Variants in HS3ST4 observed in about 807,000 individuals in gnomAD.
HS3ST4 encodes the protein heparan sulfate-glucosamine 3-sulfotransferase 4, also known as heparan sulfate glucosamine 3-O-sulfotransferase 4.
A neutral mutation model predicts 29.2 loss-of-function variants in HS3ST4; 17 were observed. The ratio of observed to expected loss-of-function variants is 0.58; its 90% CI spans 0.40 to 0.87. HS3ST4 has a LOEUF of 0.87. Among genes scored for constraint, HS3ST4 ranks in the 40% least tolerant of loss-of-function variants. The pLI is 0.00. For missense variants in HS3ST4, 627 were observed against 634.5 expected (o/e 0.99, Z 0.13); for synonymous variants, 314 against 285.7 (o/e 1.10, Z -1.00).
Position 25,811,685 on chromosome 16 carries a change from G to A in HS3ST4, c.734+118534G>A, listed in dbSNP as rs568471291. ...CAACCTCAGGTGATACCCCCGCCTCGGCCTCCCAAAGTGCTGGGATTACAG... is the reference window on the plus strand; with the variant it reads ...CAACCTCAGGTGATACCCCCGCCTCAGCCTCCCAAAGTGCTGGGATTACAG... On this transcript the variant is annotated intron_variant, in intron 1 of 1. Coordinates refer to ENST00000331351, the MANE Select transcript of HS3ST4 (RefSeq NM_006040.3). 7.9e-5 allele frequency among the ~76,000 whole-genome samples: 12 copies of A among 151,742 alleles called. No homozygotes were observed. In the East Asian group the frequency reaches 1.2e-3, roughly 15 times the overall value.
chr16:25,939,983 G>A (rs1968557462), intron 1 of HS3ST4, among the ~76,000 whole-genome samples: 1 of 152,138 alleles, frequency 6.6e-6, no homozygotes, highest in Admixed American at 6.5e-5. Flanking sequence ...ACGTGGGATG[G>A]TAGGTAGGTA....
intron 1 of HS3ST4, among the ~76,000 whole-genome samples, chr16:25,739,468 T>C (rs1194975277): frequency 6.6e-6 from 1 of 152,208 alleles, no homozygotes; most frequent in Non-Finnish European, 1.5e-5. Context: ...TCTATCTGCC[T>C]ACTTTTGCTG....
In HS3ST4 at chr16:25,693,052, C is replaced by G; in HGVS notation, c.635C>G (p.Ala212Gly). 1 of 1,610,002 alleles carries G rather than the reference C, an allele frequency of 6.2e-7. No homozygotes were observed. The highest frequency in any genetic ancestry group is 2.2e-5 in the East Asian group (1 of 44,558). The change falls in exon 1 of 2, where the codon GCG becomes GGG. Residue 212 changes from alanine to glycine, a missense_variant. Coordinates refer to ENST00000331351, the MANE Select transcript of HS3ST4 (RefSeq NM_006040.3). Reference protein sequence around the residue: ...IIGVKKGGTRALLEAIRVHPD... With the variant: ...IIGVKKGGTRGLLEAIRVHPD... Reference sequence around the variant, plus strand: ...GGGGTCAAGAAAGGAGGGACCCGCGCGCTGCTGGAGGCGATCCGCGTGCAC... The same window carrying G: ...GGGGTCAAGAAAGGAGGGACCCGCGGGCTGCTGGAGGCGATCCGCGTGCAC...
At chr16:25,819,809 G>A (rs1239158730) in intron 1 of HS3ST4, among the ~76,000 whole-genome samples, 1 of 151,726 alleles carries the variant, frequency 6.6e-6, no homozygotes, top group Non-Finnish European at 1.5e-5. Context: ...AAGAGGAAAG[G>A]ATTTCAGTTT....
intron 1 of HS3ST4, among the ~76,000 whole-genome samples, chr16:25,717,436 T>C (rs1176935992): frequency 6.6e-6 from 1 of 151,962 alleles, no homozygotes; most frequent in Non-Finnish European, 1.5e-5. Context: ...ATCTAACCTA[T>C]TGGAGGACCA....
At chr16:26,084,040 G>T (rs760043835) in intron 1 of HS3ST4, among the ~76,000 whole-genome samples, 1 of 152,182 alleles carries the variant, frequency 6.6e-6, no homozygotes, top group Non-Finnish European at 1.5e-5. Context: ...CAAGAATCTC[G>T]TGGTGAGATG....
rs185395537 is a variant in HS3ST4, at chr16:25,979,188, G to A, written c.735-156424G>A. Among the ~76,000 whole-genome samples the A allele has an allele frequency of 5.9e-3, 904 of 152,206 alleles. 11 individuals are homozygous for A. Among genetic ancestry groups the A allele is most frequent in the Admixed American group, 0.011 (174 of 15,288 alleles). On this transcript the variant is annotated intron_variant, in intron 1 of 1. Transcript: ENST00000331351. Reference sequence around the variant, plus strand: ...TGTGATTACAGACATGAGCCACTGCGTCTGGCCGACTTGTTCTCTCTCTTA... The same window carrying A: ...TGTGATTACAGACATGAGCCACTGCATCTGGCCGACTTGTTCTCTCTCTTA...
At chr16:25,973,459 C>T (rs1406860485) in intron 1 of HS3ST4, among the ~76,000 whole-genome samples, 1 of 152,234 alleles carries the variant, frequency 6.6e-6, no homozygotes, top group African/African-American at 2.4e-5. Context: ...TGTGAGAAAC[C>T]CAACCGTTTC....
rs145064369 is a variant in HS3ST4 at position 25,802,827 on chromosome 16, T to C, written c.734+109676T>C. Among the ~76,000 whole-genome samples the C allele has an allele frequency of 1.9e-3, 285 of 152,166 alleles. 2 individuals carry two copies. The highest frequency in any genetic ancestry group is 6.5e-3 in the African/African-American group (271 of 41,546). On this transcript the variant is annotated intron_variant, in intron 1 of 1. Coordinates refer to ENST00000331351, the MANE Select transcript of HS3ST4 (RefSeq NM_006040.3). ...TTTTCTCTGAAGTTATTTCAAGGTG[T>C]CTTACACTTTTGTTGCTAGTGTGAA...
At chr16:26,079,898 G>A (rs1898705636) in intron 1 of HS3ST4, among the ~76,000 whole-genome samples, 1 of 152,170 alleles carries the variant, frequency 6.6e-6, no homozygotes, top group Non-Finnish European at 1.5e-5. Flanking sequence ...TACTTTCTGA[G>A]CGCAATGGTC....
chr16:25,722,967 G>A (rs1966507694), intron 1 of HS3ST4, among the ~76,000 whole-genome samples: 2 of 152,220 alleles, frequency 1.3e-5, no homozygotes, highest in South Asian at 2.1e-4. Context: ...TCACAATCAT[G>A]GTGGAAGGGG....
At chr16:25,865,824 A>C (rs1031971127) in intron 1 of HS3ST4, among the ~76,000 whole-genome samples, 6 of 152,216 alleles carry the variant, frequency 3.9e-5, no homozygotes, top group African/African-American at 1.4e-4. Flanking sequence ...AAATCAACTC[A>C]AAAGGGATTA....
intron 1 of HS3ST4, among the ~76,000 whole-genome samples, chr16:26,058,006 A>G (rs1898430199): frequency 6.6e-6 from 1 of 151,440 alleles, no homozygotes; most frequent in Admixed American, 6.6e-5. Flanking sequence ...GTTTGATGGC[A>G]ATCTGAGAAG....
At chr16:25,919,251 G>A (rs1172007694) in intron 1 of HS3ST4, among the ~76,000 whole-genome samples, 1 of 152,052 alleles carries the variant, frequency 6.6e-6, no homozygotes, top group Non-Finnish European at 1.5e-5. Context: ...GGCTGGTCTT[G>A]AACTCCTGAC....
chr16:25,913,801 T>G (rs1968263253), intron 1 of HS3ST4, among the ~76,000 whole-genome samples: 1 of 149,894 alleles, frequency 6.7e-6, no homozygotes, highest in Middle Eastern at 3.3e-3. Context: ...GGAGGGTGTA[T>G]ATGTGTGGGG....
At chr16:26,032,899 G>A (rs754741547) in intron 1 of HS3ST4, 121 of 1,079,480 alleles carry the variant, frequency 1.1e-4, no homozygotes, top group Non-Finnish European at 1.6e-4. Context: ...GGTCGTTCTC[G>A]CCTCTTCTTC....
intron 1 of HS3ST4, among the ~76,000 whole-genome samples, chr16:26,059,473 A>T (rs1898450052): frequency 6.6e-6 from 1 of 152,200 alleles, no homozygotes; most frequent in South Asian, 2.1e-4. Context: ...AGGGTCCTTT[A>T]GCTACTTATA....
chr16:25,976,071 G>A (rs4318209), intron 1 of HS3ST4, among the ~76,000 whole-genome samples: 128,370 of 152,148 alleles, frequency 0.84, 54,225 homozygotes, highest in Non-Finnish European at 0.86. Flanking sequence ...AGTTTGTCCC[G>A]GTTCACAGTT....
At chr16:25,790,579 A>T (rs957617785) in intron 1 of HS3ST4, among the ~76,000 whole-genome samples, 2 of 152,186 alleles carry the variant, frequency 1.3e-5, no homozygotes, top group Non-Finnish European at 2.9e-5. Flanking sequence ...TTAATTTTTT[A>T]GCTTTTCCAG....
Sources: gnomAD v4.1 joint callset for allele counts (sites outside exome capture counted in the v4.1 genomes callset) on GRCh38, gnomAD v4.1.1 for gene constraint, MANE v1.5 for transcripts, NCBI Gene and HGNC (gene_info 2026-07-23, HGNC 2026-07-21) for gene names.